Variants in CKS1B observed in about 807,000 individuals in gnomAD.
The protein encoded by CKS1B is CDC28 protein kinase regulatory subunit 1B.
A neutral mutation model predicts 12.2 loss-of-function variants in CKS1B; 5 were observed. The ratio of observed to expected loss-of-function variants is 0.41; its 90% confidence interval spans 0.21 to 0.86. The LOEUF (loss-of-function observed/expected upper bound fraction) is 0.86, where lower values mean the gene tolerates loss of function less well. Among genes scored for constraint, CKS1B ranks in the 40% least tolerant of loss-of-function variants. The probability of loss-of-function intolerance (pLI) is 0.32; values close to 1 mark genes in which losing one functional copy is unlikely to be tolerated. For synonymous variants in CKS1B, 24 were observed against 34.4 expected (o/e 0.70, Z 1.06); for missense variants, 53 against 99.9 (o/e 0.53, Z 2.00).
chr1:154,974,840 G>A (rs1657094021), intron 1 of CKS1B, 36 bp downstream of exon 1: 2 of 1,614,052 alleles, frequency 1.2e-6, no homozygotes, highest in Non-Finnish European at 1.7e-6. Flanking sequence ...CGAGGGTCGT[G>A]AGCTTTGGCC....
Position 154,978,775 on chromosome 1 carries a change from T to C in CKS1B, c.238T>C (p.Ter80ArgextTer22), listed in dbSNP as rs1657251392. ...RRPLPKKPKK[*>R] ...CCCACTACCCAAGAAACCAAAGAAA[T>C]GAAGCTGGCAAGCTACTTTTCAGCC... Residue 80 changes from the stop codon to arginine, a stop_lost, in exon 3 of 3, where the codon TGA (stop) becomes CGA (arginine). Coordinates refer to ENST00000308987, the MANE Select transcript of CKS1B (RefSeq NM_001826.3). 1.9e-6 allele frequency: 3 copies of C among 1,603,614 alleles called. No homozygotes were observed. The highest frequency in any genetic ancestry group is 1.7e-6 in the Non-Finnish European group (2 of 1,170,832).
In CKS1B at chr1:154,974,819, G is replaced by C; in HGVS notation, c.59+15G>C. The C allele has an allele frequency of 1.2e-6, 2 of 1,614,046 alleles. No individual in the cohort carries two copies. Among genetic ancestry groups the C allele is most frequent in the Non-Finnish European group, 1.7e-6 (2 of 1,179,924 alleles). The stretch of plus-strand genomic sequence containing the variant: ...TTTGAGTATCGGTTAGTGCTGGCGC[G>C]GGAGCAATAGCGAGGGTCGTGAGCT... On this transcript the variant is annotated intron_variant, in intron 1 of 2. Coordinates refer to ENST00000308987, the MANE Select transcript of CKS1B (RefSeq NM_001826.3).
chr1:154,976,611 CTG>C (rs1657192697), intron 1 of CKS1B, among the ~76,000 whole-genome samples: 1 of 152,208 alleles, frequency 6.6e-6, no homozygotes, highest in Admixed American at 6.5e-5. Context: ...TAACTTAAAA[CTG>C]TATGTGCTTA....
At chr1:154,975,048 G>A in intron 1 of CKS1B, 1 of 979,274 alleles carries the variant, frequency 1.0e-6, no homozygotes, top group Non-Finnish European at 1.6e-6. Context: ...GGCGTGGTTA[G>A]GGTACTGACC....
rs1657082456 is a variant in CKS1B at position 154,974,689 on chromosome 1, T to G, written c.-57T>G. The G allele has an allele frequency of 6.4e-7, 1 of 1,550,620 alleles. No homozygotes were observed. Among genetic ancestry groups the G allele is most frequent in the South Asian group, 1.2e-5 (1 of 84,596 alleles). On this transcript the variant is annotated 5_prime_UTR_variant, in exon 1 of 3. Coordinates refer to ENST00000308987, the MANE Select transcript of CKS1B (RefSeq NM_001826.3). The stretch of plus-strand genomic sequence containing the variant: ...CCAAAGTGGGTGGGAGCGCGTGCTG[T>G]TGGGAGTTGCTTGGAGGTTGGCGGC...
At chr1:154,975,209 G>A (rs1657129152) in intron 1 of CKS1B, 1 of 575,068 alleles carries the variant, frequency 1.7e-6, no homozygotes. Flanking sequence ...GTCCCTAACA[G>A]GAGAGTAGCG....
intron 1 of CKS1B, chr1:154,975,674 C>T (rs1657154481): frequency 6.5e-6 from 1 of 154,886 alleles, no homozygotes; most frequent in Middle Eastern, 5.2e-4. Context: ...AGGACGCTCC[C>T]CCATCCCACG....
In CKS1B at chr1:154,978,062, T is replaced by A; in HGVS notation, c.135T>A (p.Asn45Lys). The change falls in exon 2 of 3, where the codon AAT becomes AAA. Residue 45 changes from asparagine to lysine, a missense_variant. By Grantham distance (94) the Asn-to-Lys change is moderately conservative. Coordinates refer to ENST00000308987, the MANE Select transcript of CKS1B (RefSeq NM_001826.3). ...TGATGTCTGAATCTGAATGGAGGAATCTTGGCGTTCAGCAGAGTCAGGGAT... is the reference window on the plus strand; with the variant it reads ...TGATGTCTGAATCTGAATGGAGGAAACTTGGCGTTCAGCAGAGTCAGGGAT... Reference protein sequence around the residue: ...THLMSESEWRNLGVQQSQGWV... With the variant: ...THLMSESEWRKLGVQQSQGWV... 1.9e-6 allele frequency: 3 copies of A among 1,614,138 alleles called. No homozygotes were observed. Among genetic ancestry groups the A allele is most frequent in the Non-Finnish European group, 2.5e-6 (3 of 1,180,014 alleles).
At position 154,974,725 on chromosome 1, in the gene CKS1B, A is replaced by G. The variant is rs756390438; in HGVS notation, c.-21A>G. On this transcript the variant is annotated 5_prime_UTR_variant, in exon 1 of 3. Coordinates refer to ENST00000308987, the MANE Select transcript of CKS1B (RefSeq NM_001826.3). ...TTGGAGGTTGGCGGCGCGGGGCTGA[A>G]GGCTAGCAAACCGAGCGATCATGTC... 6.3e-5 allele frequency: 100 copies of G among 1,577,656 alleles called. No homozygotes were observed. The South Asian group carries it at 1.1e-3, about 18-fold the overall frequency.
At chr1:154,975,042 T>C (rs1657117139) in intron 1 of CKS1B, 6 of 1,078,498 alleles carry the variant, frequency 5.6e-6, no homozygotes, top group Non-Finnish European at 7.1e-6. Flanking sequence ...GGGGTGGGCG[T>C]GGTTAGGGTA....
chr1:154,978,317 A>C, intron 2 of CKS1B: 1 of 578,532 alleles, frequency 1.7e-6, no homozygotes, highest in Admixed American at 3.5e-5. Context: ...CCTGTCACTG[A>C]AAAACCTCCT....
intron 1 of CKS1B, among the ~76,000 whole-genome samples, chr1:154,976,411 T>C (rs1558069078): frequency 6.6e-6 from 1 of 152,238 alleles, no homozygotes; most frequent in African/African-American, 2.4e-5. Context: ...GTCTCCTCAG[T>C]TGGAGAACAT....
chr1:154,977,271 C>G (rs942977952), intron 1 of CKS1B: 2 of 151,970 alleles, frequency 1.3e-5, no homozygotes, highest in Non-Finnish European at 2.9e-5. Flanking sequence ...CATGCCACCA[C>G]ACCCGGCTAA....
At chr1:154,977,439 T>C (rs1657218624) in intron 1 of CKS1B, 1 of 152,300 alleles carries the variant, frequency 6.6e-6, no homozygotes, top group Admixed American at 6.5e-5. Flanking sequence ...TTTAATCAGA[T>C]TTCAAACTTC....
In CKS1B at chr1:154,978,815, G is replaced by A; in HGVS notation, c.*38G>A. On this transcript the variant is annotated 3_prime_UTR_variant, in exon 3 of 3. Transcript: ENST00000308987. ...ACTTTTCAGCCTCAAGCTTTACACA[G>A]CTGTCCTTACTTCCTAACATCTTTC... The A allele has an allele frequency of 7.9e-7, 1 of 1,265,494 alleles. No homozygotes were observed. Among genetic ancestry groups the A allele is most frequent in the Non-Finnish European group, 1.2e-6 (1 of 866,104 alleles). The allele number at this position is 1,265,494 out of a possible 1,614,324, so 78.4% of individuals were successfully genotyped here. A position where few individuals can be genotyped will look rare whatever the true frequency, so the allele number is the denominator to read the frequency against.
intron 1 of CKS1B, 180 bp downstream of exon 1, chr1:154,974,984 AAC>A (rs1315377986): frequency 1.9e-6 from 3 of 1,589,390 alleles, no homozygotes; most frequent in Non-Finnish European, 8.6e-7. Flanking sequence ...GCGCTCGTAA[AAC>A]AAAGTGGTTG....
At chr1:154,978,383 A>G in intron 2 of CKS1B, 2 of 546,980 alleles carry the variant, frequency 3.7e-6, no homozygotes, top group South Asian at 2.7e-5. Context: ...TAGCCTGATC[A>G]TAGCCCCTGC....
intron 1 of CKS1B, chr1:154,977,468 A>C: frequency 6.6e-6 from 1 of 151,184 alleles, no homozygotes; most frequent in East Asian, 1.9e-4. Context: ...TCTTTTTCAA[A>C]CTCCTGGGTT....
chr1:154,977,269 C>G (rs1210172386), intron 1 of CKS1B: 2 of 152,082 alleles, frequency 1.3e-5, no homozygotes, highest in Non-Finnish European at 2.9e-5. Context: ...TGCATGCCAC[C>G]ACACCCGGCT....
Sources: gnomAD v4.1 joint callset for allele counts (sites outside exome capture counted in the v4.1 genomes callset) on GRCh38, gnomAD v4.1.1 for gene constraint, MANE v1.5 for transcripts, NCBI Gene and HGNC (gene_info 2026-07-23, HGNC 2026-07-21) for gene names.